Variants in LRP1B observed in about 807,000 individuals in gnomAD.
The protein encoded by LRP1B is low-density lipoprotein receptor-related protein 1B.
Under a neutral mutation model 556.6 loss-of-function variants are expected in LRP1B, and 217 were observed. The ratio of observed to expected loss-of-function variants is 0.39; its 90% CI spans 0.35 to 0.44. The LOEUF (loss-of-function observed/expected upper bound fraction) is 0.44. Ranked by LOEUF, LRP1B falls within the 20% of genes least tolerant of loss-of-function variation. LRP1B has a pLI of 1.00. For synonymous variants in LRP1B, 2,047 were observed against 1,865.8 expected, an observed-to-expected ratio of 1.10 and a Z score of -2.50; for missense variants, 5,053 against 5,620.8, an observed-to-expected ratio of 0.90 and a Z score of 3.23.
chr2:141,446,377 T>C (rs1288827112), intron 3 of LRP1B, among the ~76,000 whole-genome samples: 2 of 152,178 alleles, frequency 1.3e-5, no homozygotes, highest in African/African-American at 2.4e-5. Context: ...TGCCAGTCTG[T>C]GTCTTTTAAT....
At position 140,491,078 on chromosome 2, in the gene LRP1B, T is replaced by A. The variant is rs190877097; in HGVS notation, c.9120+1530A>T. Among the ~76,000 whole-genome samples, 74 of 152,094 alleles carry A rather than the reference T, an allele frequency of 4.9e-4. 1 individual carries two copies. Among genetic ancestry groups the A allele is most frequent in the African/African-American group, 1.7e-3 (70 of 41,516 alleles). ...CTTAAATGATGCATAGAGGAAAAAA[T>A]CATTTTGTTCCATTAAGAACAATTT... On this transcript the variant is annotated intron_variant, in intron 57 of 90. Transcript: ENST00000389484.
chr2:141,245,215 T>C (rs188865076), intron 5 of LRP1B, among the ~76,000 whole-genome samples: 1 of 152,288 alleles, frequency 6.6e-6, no homozygotes, highest in East Asian at 1.9e-4. Context: ...CTAATTTTTC[T>C]CAAGGATTGC....
At chr2:141,134,770 A>G (rs577335076) in intron 7 of LRP1B, among the ~76,000 whole-genome samples, 1 of 151,758 alleles carries the variant, frequency 6.6e-6, no homozygotes, top group Non-Finnish European at 1.5e-5. Flanking sequence ...ATTATTGTAA[A>G]TATATCATGG....
At chr2:141,257,475 C>T (rs906463154) in intron 3 of LRP1B, among the ~76,000 whole-genome samples, 3 of 152,090 alleles carry the variant, frequency 2.0e-5, no homozygotes, top group African/African-American at 2.4e-5. Context: ...CTCTACTTGA[C>T]GTTTCTGGAA....
At chr2:141,815,495 C>T (rs1696510620) in intron 1 of LRP1B, among the ~76,000 whole-genome samples, 2 of 152,056 alleles carry the variant, frequency 1.3e-5, no homozygotes, top group African/African-American at 4.8e-5. Context: ...AATCAGCACT[C>T]TGTAGCTAGC....
chr2:140,314,450 C>T (rs1684432480), intron 83 of LRP1B, among the ~76,000 whole-genome samples: 1 of 151,408 alleles, frequency 6.6e-6, no homozygotes, highest in Admixed American at 6.6e-5. Context: ...TTCCAAAGCA[C>T]ATTATATGAT....
chr2:142,081,486 A>G (rs1705713908), intron 1 of LRP1B, among the ~76,000 whole-genome samples: 1 of 152,184 alleles, frequency 6.6e-6, no homozygotes, highest in East Asian at 1.9e-4. Context: ...ATTCACTGTG[A>G]GACAGCAACC....
intron 23 of LRP1B, among the ~76,000 whole-genome samples, chr2:140,886,745 T>A (rs2105193755): frequency 6.6e-6 from 1 of 152,138 alleles, no homozygotes; most frequent in East Asian, 1.9e-4. Context: ...TACTAACAGA[T>A]CCATAGAGGA....
chr2:141,795,946 T>A (rs988311506), intron 2 of LRP1B, among the ~76,000 whole-genome samples: 1 of 144,390 alleles, frequency 6.9e-6, no homozygotes, highest in African/African-American at 2.6e-5. Context: ...TGAATCTTGA[T>A]CACAAAGGAT....
At chr2:141,477,415 C>A (rs576001048) in intron 3 of LRP1B, among the ~76,000 whole-genome samples, 1 of 151,994 alleles carries the variant, frequency 6.6e-6, no homozygotes, top group South Asian at 2.1e-4. Context: ...CTTGATGGGG[C>A]TGGTTCCTAA....
At chr2:140,968,130 G>A (rs1696290705) in intron 18 of LRP1B, among the ~76,000 whole-genome samples, 1 of 151,322 alleles carries the variant, frequency 6.6e-6, no homozygotes, top group Non-Finnish European at 1.5e-5. Context: ...TGTAACTCTG[G>A]TAGAATTCGG....
rs537319083 is a variant in LRP1B at position 142,034,382 on chromosome 2, G to T, written c.82+96266C>A. Among the ~76,000 whole-genome samples the T allele has an allele frequency of 1.7e-4, 26 of 151,662 alleles. No individual in the cohort carries two copies. The South Asian group carries it at 5.4e-3, about 32-fold the overall frequency. ...TCACATGTATTCTAGCTATAGTTGTGTACTGATCATTCCCTAAATATGCTG... is the reference window on the plus strand; with the variant it reads ...TCACATGTATTCTAGCTATAGTTGTTTACTGATCATTCCCTAAATATGCTG... On this transcript the variant is annotated intron_variant, in intron 1 of 90. Coordinates refer to ENST00000389484, the MANE Select transcript of LRP1B (RefSeq NM_018557.3).
In LRP1B at chr2:140,361,379, T is replaced by TAA. The variant is rs1553454160; in HGVS notation, c.11132-2435_11132-2434dup. Among the ~76,000 whole-genome samples, 11 of 130,576 alleles carry TAA rather than the reference T, an allele frequency of 8.4e-5. No individual in the cohort carries two copies. In the South Asian group the frequency reaches 1.2e-3, roughly 14 times the overall value. 85.7% of individuals were successfully genotyped at this position (130,576 alleles called of 152,430 possible). On this transcript the variant is annotated intron_variant, in intron 72 of 90. Coordinates refer to ENST00000389484, the MANE Select transcript of LRP1B (RefSeq NM_018557.3). The stretch of plus-strand genomic sequence containing the variant: ...ATATATATATATATATATATATATA[T>TAA]AACAAAAATAAGTAGAAATACAAAG...
At chr2:140,560,661 A>T (rs1344082689) in intron 43 of LRP1B, among the ~76,000 whole-genome samples, 1 of 152,204 alleles carries the variant, frequency 6.6e-6, no homozygotes, top group Non-Finnish European at 1.5e-5. Flanking sequence ...ATTTAACAAT[A>T]GCAAAACTCA....
intron 7 of LRP1B, among the ~76,000 whole-genome samples, chr2:141,177,398 T>G (rs953648063): frequency 6.6e-6 from 1 of 152,086 alleles, no homozygotes; most frequent in African/African-American, 2.4e-5. Flanking sequence ...CCATCTAACA[T>G]TCCATTAATA....
At position 140,252,087 on chromosome 2, in the gene LRP1B, A is replaced by AAAAAAAAC. The variant is rs1170506845; in HGVS notation, c.13248-4926_13248-4925insGTTTTTTT. ...CAAAAAAAAAAAAAAAAAAAAAAAA[A>AAAAAAAAC]AACCCAAAAAACAAAAAAAAACAGA... On this transcript the variant is annotated intron_variant, in intron 86 of 90. Transcript: ENST00000389484. Among the ~76,000 whole-genome samples, 28 of 111,680 alleles carry AAAAAAAAC rather than the reference A, an allele frequency of 2.5e-4. 1 individual carries two copies. Among genetic ancestry groups the AAAAAAAAC allele is most frequent in the African/African-American group, 9.8e-4 (24 of 24,584 alleles). The allele number at this position is 111,680 out of a possible 152,430, so 73.3% of individuals were successfully genotyped here.
intron 6 of LRP1B, among the ~76,000 whole-genome samples, chr2:141,217,883 A>T (rs1469119725): frequency 1.3e-5 from 2 of 152,182 alleles, no homozygotes; most frequent in Admixed American, 6.5e-5. Context: ...AGGAACTTAA[A>T]TAAATGAATA....
chr2:141,989,193 C>T (rs1180809372), intron 1 of LRP1B, among the ~76,000 whole-genome samples: 3 of 151,942 alleles, frequency 2.0e-5, no homozygotes, highest in Non-Finnish European at 4.4e-5. Context: ...CTGTTTTCTA[C>T]CACTGTCATA....
Position 140,356,429 on chromosome 2 carries a change from C to T in LRP1B, c.11443G>A (p.Asp3815Asn), listed in dbSNP as rs2105130296. The T allele has an allele frequency of 6.2e-7, 1 of 1,608,128 alleles. No individual in the cohort carries two copies. Among genetic ancestry groups the T allele is most frequent in the Non-Finnish European group, 8.5e-7 (1 of 1,175,362 alleles). Reference protein sequence around the residue: ...CEDNVNPCGDDAYCNQIKTSV... With the variant: ...CEDNVNPCGDNAYCNQIKTSV... ...GTTTTTATTTGATTACAATATGCAT[C>T]ATCTCCACATGGATTCACATTATCT... Residue 3815 changes from aspartate (D) to asparagine (N), a missense_variant, in exon 75 of 91, where the codon GAT becomes AAT. This residue lies in a region of LRP1B where 599 missense variants were observed against 648.4 expected (regional missense o/e 0.92). Coordinates refer to ENST00000389484, the MANE Select transcript of LRP1B (RefSeq NM_018557.3).
Sources: gnomAD v4.1 joint callset for allele counts (sites outside exome capture counted in the v4.1 genomes callset) on GRCh38, gnomAD v4.1.1 for gene constraint, gnomAD v4.1.1 regional missense constraint, MANE v1.5 for transcripts, NCBI Gene and HGNC (gene_info 2026-07-23, HGNC 2026-07-21) for gene names.